FGD5: variants seen among roughly 807,000 people sequenced by gnomAD.
The protein encoded by FGD5 is FYVE, RhoGEF and PH domain containing 5.
In FGD5, 28 loss-of-function variants were observed where a neutral mutation model predicts 133.4. The observed-to-expected ratio is 0.21, with a 90% confidence interval of 0.16 to 0.29. The LOEUF (loss-of-function observed/expected upper bound fraction) is 0.29. FGD5 is among the 10% of genes least tolerant of loss of function. The probability of loss-of-function intolerance (pLI) is 1.00; values close to 1 mark genes in which losing one functional copy is unlikely to be tolerated. For missense variants in FGD5, 1,858 were observed against 1,895.2 expected (o/e 0.98, Z 0.36); for synonymous variants, 810 against 776.5 (o/e 1.04, Z -0.72).
chr3:14,892,828 A>AAAAG (rs1553629074), intron 4 of FGD5, among the ~76,000 whole-genome samples: 7 of 151,230 alleles, frequency 4.6e-5, no homozygotes, highest in Admixed American at 2.0e-4. Context: ...TCAAAAAAAA[A>AAAAG]AAAGAAAGAA....
At chr3:14,908,949 T>TTCATTCATTCATTC (rs1553630947) in intron 10 of FGD5, among the ~76,000 whole-genome samples, 5 of 141,134 alleles carry the variant, frequency 3.5e-5, no homozygotes, top group African/African-American at 1.3e-4. Context: ...TTTATTTATT[T>TTCATTCATTCATTC]ATTCATTCAT....
chr3:14,894,674 AT>A (rs55815625), intron 4 of FGD5, among the ~76,000 whole-genome samples: 70,049 of 128,308 alleles, frequency 0.55, 19,273 homozygotes, highest in African/African-American at 0.64. Context: ...GGTCCAGCTA[AT>A]TTTTTTTTTT....
At chr3:14,866,977 A>T (rs76020878) in intron 2 of FGD5, among the ~76,000 whole-genome samples, 14,167 of 152,190 alleles carry the variant, frequency 0.093, 826 homozygotes, top group East Asian at 0.3. Context: ...CAGTTCACTC[A>T]CCAGAGTCCA....
chr3:14,820,426 C>T lies in FGD5; in HGVS notation c.1355C>T (p.Ala452Val), dbSNP rs2036467162. 2 of 1,613,946 alleles carry T rather than the reference C, an allele frequency of 1.2e-6. No homozygotes were observed. The highest frequency in any genetic ancestry group is 1.1e-5 in the South Asian group (1 of 91,084). ...PGEGGQAASD[A>V]LGGYGSKEEL... is the part of the protein sequence containing the mutation. ...GAAGGAGGGCAGGCTGCATCGGACG[C>T]CCTGGGTGGTTATGGCTCGAAAGAA... The change falls in exon 1 of 20, where the codon GCC (alanine) becomes GTC (valine). Residue 452 changes from alanine to valine, a missense_variant. This residue lies in a region of FGD5 where 1,824 missense variants were observed against 1,848.9 expected (regional missense o/e 0.99). Transcript: ENST00000285046.
Position 14,933,528 on chromosome 3 carries a change from C to A in FGD5, c.*361C>A, listed in dbSNP as rs907997135. ...GCTTTTTAGTAGAAAGAAGCTCTTA[C>A]AGTTTTTACTCATGATAAATCTTAT... On this transcript the variant is annotated 3_prime_UTR_variant, in exon 20 of 20. Transcript: ENST00000285046. The A allele has an allele frequency of 4.0e-6, 1 of 248,116 alleles. No individual in the cohort carries two copies. Among genetic ancestry groups the A allele is most frequent in the African/African-American group, 2.2e-5 (1 of 44,858 alleles). The allele number at this position is 248,116 out of a possible 1,614,324, so 15.4% of individuals were successfully genotyped here.
rs376541365 is a variant in FGD5 at position 14,897,479 on chromosome 3, C to T, written c.2749-30C>T. ...AGGACTTGTGCTCAGTCCTATCAAC[C>T]TGTGGGTAACAGACCTTTTGGTGTT... is the stretch of plus-strand genomic sequence containing the variant. On this transcript the variant is annotated intron_variant, in intron 4 of 19. Coordinates refer to ENST00000285046, the MANE Select transcript of FGD5 (RefSeq NM_152536.4). 158 of 1,590,846 alleles carry T rather than the reference C, an allele frequency of 9.9e-5. No individual in the cohort carries two copies. In the Middle Eastern group the frequency reaches 2.2e-3, roughly 22 times the overall value.
At chr3:14,930,582 T>C (rs185065788) in intron 18 of FGD5, among the ~76,000 whole-genome samples, 6 of 151,850 alleles carry the variant, frequency 4.0e-5, no homozygotes, top group East Asian at 1.9e-4. Flanking sequence ...GACTTTTTTT[T>C]CCCCAGACTC....
intron 1 of FGD5, among the ~76,000 whole-genome samples, chr3:14,833,765 GC>G (rs1278003860): frequency 1.3e-5 from 2 of 152,212 alleles, no homozygotes; most frequent in Non-Finnish European, 2.9e-5. Flanking sequence ...GCACAGTGCA[GC>G]AGGGCTTTCA....
chr3:14,877,236 C>T (rs111627317), intron 2 of FGD5, among the ~76,000 whole-genome samples: 37 of 152,378 alleles, frequency 2.4e-4, no homozygotes, highest in African/African-American at 8.9e-4. Context: ...CTGCGTGCCT[C>T]GGGCACACAG....
At chr3:14,888,685 C>G (rs1349860192) in intron 4 of FGD5, among the ~76,000 whole-genome samples, 1 of 152,198 alleles carries the variant, frequency 6.6e-6, no homozygotes, top group Non-Finnish European at 1.5e-5. Context: ...ACTTGAGAGG[C>G]CCTTAGGACT....
chr3:14,905,691 A>G (rs1377389240), intron 9 of FGD5, among the ~76,000 whole-genome samples: 1 of 151,936 alleles, frequency 6.6e-6, no homozygotes, highest in East Asian at 1.9e-4. Flanking sequence ...CACCTTTCCC[A>G]CCAGGTCCTT....
chr3:14,875,365 C>T (rs960517843), intron 2 of FGD5, among the ~76,000 whole-genome samples: 2 of 152,128 alleles, frequency 1.3e-5, no homozygotes, highest in Non-Finnish European at 2.9e-5. Flanking sequence ...TACGGGGCAT[C>T]GGGGGCACCT....
At chr3:14,887,221 C>T (rs1443275979) in intron 4 of FGD5, among the ~76,000 whole-genome samples, 1 of 152,192 alleles carries the variant, frequency 6.6e-6, no homozygotes. Flanking sequence ...TGTCTGCCTT[C>T]ATCACTAAAC....
chr3:14,820,355 C>T lies in FGD5; in HGVS notation c.1284C>T (p.Asn428=), dbSNP rs1358214780. The T allele has an allele frequency of 1.1e-5, 18 of 1,613,176 alleles. No homozygotes were observed. The highest frequency in any genetic ancestry group is 1.7e-5 in the Admixed American group (1 of 59,952). Residue 428 remains asparagine, a synonymous_variant, in exon 1 of 20, where the codon AAC becomes AAT. Coordinates refer to ENST00000285046, the MANE Select transcript of FGD5 (RefSeq NM_152536.4). ...AGGCCTTGGATGATGCACTGGCCAA[C>T]CCCTATGTGATGGGAGTGGGCCTGC... ...EEEALDDALA[N]PYVMGVGLPG... is the part of the protein sequence containing the mutation.
rs57629400 is a variant in FGD5, at chr3:14,918,885, G to A, written c.3569+52G>A. On this transcript the variant is annotated intron_variant, in intron 13 of 19. Coordinates refer to ENST00000285046, the MANE Select transcript of FGD5 (RefSeq NM_152536.4). The stretch of plus-strand genomic sequence containing the variant: ...GCACAAGGCAGAGGTGTGAGCATGG[G>A]AAGGTTCAGAACAACAGATAAGGAT... The A allele has an allele frequency of 5.2e-5, 83 of 1,586,228 alleles. No individual in the cohort carries two copies. In the African/African-American group the frequency reaches 7.7e-4, roughly 15 times the overall value.
At position 14,913,869 on chromosome 3, in the gene FGD5, T is replaced by TATGGAAGCCTAGCC. The variant is rs2038498873; in HGVS notation, c.3405+2942_3405+2955dup. On this transcript the variant is annotated intron_variant, in intron 11 of 19. Coordinates refer to ENST00000285046, the MANE Select transcript of FGD5 (RefSeq NM_152536.4). ...CAAGCCAAGCTCAGATAGCACCTTC[T>TATGGAAGCCTAGCC]ATGGAAGCCTAGCCACCACCCCCGT... 2.0e-5 allele frequency among the ~76,000 whole-genome samples: 3 copies of TATGGAAGCCTAGCC among 152,270 alleles called. No individual in the cohort carries two copies. The South Asian group carries it at 6.2e-4, about 32-fold the overall frequency.
chr3:14,875,885 C>T (rs2125113842), intron 2 of FGD5, among the ~76,000 whole-genome samples: 1 of 152,086 alleles, frequency 6.6e-6, no homozygotes, highest in Non-Finnish European at 1.5e-5. Flanking sequence ...ACCACAGGTG[C>T]AGGGGGACAG....
chr3:14,826,034 A>G (rs1414516778), intron 1 of FGD5, among the ~76,000 whole-genome samples: 1 of 152,206 alleles, frequency 6.6e-6, no homozygotes, highest in African/African-American at 2.4e-5. Context: ...CACTTGTCCT[A>G]AATATCTCAT....
intron 7 of FGD5, among the ~76,000 whole-genome samples, chr3:14,900,043 T>C (rs939703206): frequency 5.9e-5 from 9 of 152,052 alleles, no homozygotes; most frequent in Admixed American, 2.0e-4. Context: ...CTGGAGAGTA[T>C]GAATGCACTA....
Sources: allele counts gnomAD v4.1 joint callset (sites outside exome capture counted in the v4.1 genomes callset), GRCh38; gene constraint gnomAD v4.1.1; regional missense constraint gnomAD v4.1.1; transcripts MANE v1.5; gene names NCBI Gene and HGNC (gene_info 2026-07-23, HGNC 2026-07-21).